LRRK2: variants seen among roughly 807,000 people sequenced by gnomAD.
The protein encoded by LRRK2 is leucine rich repeat kinase 2.
LRRK2 carries 203 observed loss-of-function variants against 302.6 expected under a neutral mutation model. The observed-to-expected ratio is 0.67, with a 90% confidence interval of 0.60 to 0.75. The LOEUF (loss-of-function observed/expected upper bound fraction) is 0.75, where lower values mean the gene tolerates loss of function less well. LRRK2 is among the 30% of genes least tolerant of loss of function. The pLI is 0.00. For missense variants in LRRK2, 2,830 were observed against 2,951.0 expected (o/e 0.96, Z 0.95); for synonymous variants, 1,066 against 1,031.9 (o/e 1.03, Z -0.63).
chr12:40,305,646 A>G (rs901236224), intron 27 of LRRK2, 139 bp from the exon 28 acceptor site: 23 of 773,954 alleles, frequency 3.0e-5, no homozygotes, highest in Non-Finnish European at 4.7e-5. Context: ...AAACCTTTGG[A>G]AAGTTTTAAA....
chr12:40,333,346 C>T (rs899352958), intron 39 of LRRK2, among the ~76,000 whole-genome samples: 4 of 152,108 alleles, frequency 2.6e-5, no homozygotes, highest in African/African-American at 9.7e-5. Flanking sequence ...CAGTGGGCGC[C>T]GCTACTCCAC....
rs1390277135 is a variant in LRRK2, at chr12:40,251,349, G to C, written c.1076G>C (p.Trp359Ser). The change falls in exon 9 of 51, where the codon TGG becomes TCG. Residue 359 changes from tryptophan (W) to serine (S), a missense_variant. Coordinates refer to ENST00000298910, the MANE Select transcript of LRRK2 (RefSeq NM_198578.4). ...GAAGCCTGTTACAAAGCATTAACGT[G>C]GCATAGAAAGAACAAGCACGTGCAG... ...WLEACYKALTWHRKNKHVQEA... is the reference protein window; with the variant it reads ...WLEACYKALTSHRKNKHVQEA... 1 of 1,613,804 alleles carries C rather than the reference G, an allele frequency of 6.2e-7. No homozygotes were observed. The highest frequency in any genetic ancestry group is 1.1e-5 in the South Asian group (1 of 91,062).
chr12:40,232,448 C>T, intron 3 of LRRK2, 65 bp downstream of exon 3: 1 of 1,117,152 alleles, frequency 9.0e-7, no homozygotes, highest in East Asian at 2.3e-5. Flanking sequence ...GACAACCTTC[C>T]CTTGATACAC....
intron 39 of LRRK2, among the ~76,000 whole-genome samples, chr12:40,332,947 G>A (rs1467393008): frequency 8.2e-5 from 10 of 121,932 alleles, no homozygotes; most frequent in African/African-American, 2.8e-4. Context: ...TGTGCATAAT[G>A]TGCTTCTTCT....
chr12:40,313,927 A>T, intron 31 of LRRK2, 45 bp from the exon 32 acceptor site: 1 of 1,560,216 alleles, frequency 6.4e-7, no homozygotes, highest in Non-Finnish European at 8.8e-7. Flanking sequence ...TGACAAATAC[A>T]CAAATAAAAT....
At chr12:40,241,005 A>G (rs1941695105) in intron 6 of LRRK2, among the ~76,000 whole-genome samples, 1 of 152,218 alleles carries the variant, frequency 6.6e-6, no homozygotes, top group African/African-American at 2.4e-5. Flanking sequence ...CTTCCTGTGC[A>G]TGAAGGTGTG....
At chr12:40,364,006 CA>C (rs1033288017) in intron 48 of LRRK2, among the ~76,000 whole-genome samples, 8 of 151,920 alleles carry the variant, frequency 5.3e-5, no homozygotes, top group Admixed American at 4.6e-4. Flanking sequence ...ATCAAGACCC[CA>C]GAATGAGAGC....
chr12:40,365,194 A>T, intron 49 of LRRK2, 144 bp downstream of exon 49: 1 of 728,850 alleles, frequency 1.4e-6, no homozygotes, highest in Non-Finnish European at 2.3e-6. Flanking sequence ...AGACTGGTAT[A>T]AATTGTGAAT....
chr12:40,363,330 AG>A lies in LRRK2; in HGVS notation c.7029-70del, dbSNP rs1946772858. ...TGTTTTTACATTAAGAACTAATATAAGGTTGTATTACACGTAGAAATTTTAA... is the reference window on the plus strand; with the variant it reads ...TGTTTTTACATTAAGAACTAATATAAGTTGTATTACACGTAGAAATTTTAA... On this transcript the variant is annotated intron_variant, in intron 47 of 50. Transcript: ENST00000298910. The A allele has an allele frequency of 5.6e-6, 8 of 1,422,246 alleles. No individual in the cohort carries two copies. The South Asian group carries it at 9.4e-5, about 17-fold the overall frequency. The allele number at this position is 1,422,246 out of a possible 1,614,324, so 88.1% of individuals were successfully genotyped here. A position where few individuals can be genotyped will look rare whatever the true frequency, so the allele number is the denominator to read the frequency against.
At chr12:40,300,858 T>A (rs1246327276) in intron 25 of LRRK2, 1 of 471,170 alleles carries the variant, frequency 2.1e-6, no homozygotes, top group Non-Finnish European at 4.4e-6. Flanking sequence ...ATTCAGACTG[T>A]GGAGTCAGGA....
chr12:40,339,198 G>A (rs1409692689), intron 40 of LRRK2, among the ~76,000 whole-genome samples: 1 of 152,138 alleles, frequency 6.6e-6, no homozygotes, highest in Non-Finnish European at 1.5e-5. Context: ...TTGATATAAT[G>A]TGAGCCAAAA....
In LRRK2 at chr12:40,340,332, A is replaced by AT; in HGVS notation, c.5987_5988insT (p.Lys1996AsnfsTer22). 1 of 1,613,866 alleles carries AT rather than the reference A, an allele frequency of 6.2e-7. No individual in the cohort carries two copies. The highest frequency in any genetic ancestry group is 8.5e-7 in the Non-Finnish European group (1 of 1,179,822). ...GCCATGATTATATACCGAGACCTGA[A>AT]ACCCCACAATGTGCTGCTTTTCACA... On this transcript the variant is annotated frameshift_variant, in exon 41 of 51. Transcript: ENST00000298910. LOFTEE classifies it high-confidence loss of function.
At chr12:40,359,018 TTTGTTG>T (rs60866417) in intron 46 of LRRK2, among the ~76,000 whole-genome samples, 2 of 151,410 alleles carry the variant, frequency 1.3e-5, no homozygotes, top group Non-Finnish European at 2.9e-5. Context: ...TTTCAGCTAC[TTTGTTG>T]TTGTTGTTGT....
At chr12:40,366,704 T>C in intron 49 of LRRK2, 1 of 323,920 alleles carries the variant, frequency 3.1e-6, no homozygotes, top group Non-Finnish European at 5.9e-6. Context: ...CATTACCTCG[T>C]TTAACATTGT....
chr12:40,240,113 C>G (rs748864560), intron 5 of LRRK2, among the ~76,000 whole-genome samples: 1 of 152,128 alleles, frequency 6.6e-6, no homozygotes, highest in South Asian at 2.1e-4. Context: ...TTAATGCCTC[C>G]CTTTTAAATA....
In LRRK2 at chr12:40,259,504, A is replaced by C. The variant is rs1942675520; in HGVS notation, c.1443A>C (p.Ala481=). ...GCAACACTTCCCTGGATATAATGGC[A>C]GCAGTGGTCCCCAAAATACTAACAG... ...EGSNTSLDIM[A]AVVPKILTVM... Residue 481 remains alanine, a synonymous_variant, in exon 13 of 51, where the codon GCA becomes GCC. Coordinates refer to ENST00000298910, the MANE Select transcript of LRRK2 (RefSeq NM_198578.4). 1.2e-6 allele frequency: 2 copies of C among 1,613,238 alleles called. No individual in the cohort carries two copies. The highest frequency in any genetic ancestry group is 2.7e-5 in the African/African-American group (2 of 74,868).
At chr12:40,345,521 G>A (rs936536330) in intron 41 of LRRK2, among the ~76,000 whole-genome samples, 2 of 148,776 alleles carry the variant, frequency 1.3e-5, no homozygotes, top group African/African-American at 4.9e-5. Context: ...TACTCGGGAG[G>A]CTGAGGCAGG....
rs2137028839 is a variant in LRRK2 at position 40,359,314 on chromosome 12, T to C, written c.6898T>C (p.Leu2300=). The C allele has an allele frequency of 9.3e-6, 15 of 1,613,116 alleles. No homozygotes were observed. The highest frequency in any genetic ancestry group is 1.1e-5 in the Non-Finnish European group (13 of 1,179,488). The change falls in exon 47 of 51, where the codon TTG becomes CTG. Residue 2300 remains leucine, a synonymous_variant. Coordinates refer to ENST00000298910, the MANE Select transcript of LRRK2 (RefSeq NM_198578.4). ...AAATATAGGAAATGTCAGTACTCCATTGATGTGTTTGAGTGAATCCACAAA... is the reference window on the plus strand; with the variant it reads ...AAATATAGGAAATGTCAGTACTCCACTGATGTGTTTGAGTGAATCCACAAA... The part of the protein sequence containing the change: ...ILNIGNVSTP[L]MCLSESTNST...
chr12:40,248,814 C>T (rs1383198995), intron 7 of LRRK2, among the ~76,000 whole-genome samples: 6 of 152,078 alleles, frequency 3.9e-5, no homozygotes, highest in Non-Finnish European at 8.8e-5. Flanking sequence ...GGAAAAGAGA[C>T]TGATGGGGAC....
Sources: gnomAD v4.1 joint callset for allele counts (sites outside exome capture counted in the v4.1 genomes callset) on GRCh38, gnomAD v4.1.1 for gene constraint, MANE v1.5 for transcripts, NCBI Gene and HGNC (gene_info 2026-07-23, HGNC 2026-07-21) for gene names.